Variants in TIGD6 observed in about 807,000 individuals in gnomAD.
TIGD6 encodes tigger transposable element derived 6, also known as tigger transposable element-derived protein 6.
A neutral mutation model predicts 2.6 loss-of-function variants in TIGD6; 1 was observed. The ratio of observed to expected loss-of-function variants is 0.39; its 90% CI spans 0.14 to 1.85. The LOEUF is 1.85. Among genes scored for constraint, TIGD6 ranks in the 40% most tolerant of loss-of-function variants. TIGD6 has a pLI of 0.32. For synonymous variants in TIGD6, 193 were observed against 221.9 expected (o/e 0.87, Z 1.16); for missense variants, 601 against 634.2 (o/e 0.95, Z 0.56).
chr5:149,997,556 C>CA (rs1561837958), intron 1 of TIGD6, among the ~76,000 whole-genome samples: 5 of 150,634 alleles, frequency 3.3e-5, no homozygotes, highest in South Asian at 2.1e-4. Context: ...ACAACAACAA[C>CA]AAAAAACAAA....
Position 149,995,727 on chromosome 5 carries a change from G to A in TIGD6, c.622C>T (p.Gln208Ter). The A allele has an allele frequency of 6.2e-7, 1 of 1,614,246 alleles. No homozygotes were observed. The highest frequency in any genetic ancestry group is 2.2e-5 in the East Asian group (1 of 44,892). Residue 208 changes from glutamine (Q) to a stop codon, truncating the protein, a stop_gained, in exon 2 of 2, where the codon CAG becomes TAG. Transcript: ENST00000296736. LOFTEE classifies it low-confidence loss of function (END_TRUNC). ...DHCRGGKKAK[Q>*]RLTALFCCNA... Reference sequence around the variant, plus strand: ...CAACAAAAGAGTGCTGTCAACCGCTGCTTTGCTTTCTTGCCCCCTCTACAG... The same window carrying A: ...CAACAAAAGAGTGCTGTCAACCGCTACTTTGCTTTCTTGCCCCCTCTACAG...
In TIGD6 at chr5:149,995,322, C is replaced by A. The variant is rs373654983; in HGVS notation, c.1027G>T (p.Asp343Tyr). ...QILLKLNSSE[D>Y]QEEVDIKQAI... ...TGCTTGATGTCCACCTCTTCTTGATCCTCACTGCTGTTGAGCTTGAGGAGG... is the reference window on the plus strand; with the variant it reads ...TGCTTGATGTCCACCTCTTCTTGATACTCACTGCTGTTGAGCTTGAGGAGG... The change falls in exon 2 of 2, where the codon GAT (aspartate) becomes TAT (tyrosine). Residue 343 changes from aspartate (D) to tyrosine (Y), a missense_variant. Physicochemically the swap from Asp to Tyr is radical, Grantham distance 160. Transcript: ENST00000296736. 235 of 1,614,160 alleles carry A rather than the reference C, an allele frequency of 1.5e-4. No individual in the cohort carries two copies. Among genetic ancestry groups the A allele is most frequent in the Non-Finnish European group, 1.9e-4 (227 of 1,180,020 alleles).
At chr5:149,998,120 C>T (rs529965081) in intron 1 of TIGD6, among the ~76,000 whole-genome samples, 1 of 150,718 alleles carries the variant, frequency 6.6e-6, no homozygotes, top group South Asian at 2.1e-4. Flanking sequence ...CAGAGCGAGC[C>T]TCCATCTCAA....
intron 1 of TIGD6, among the ~76,000 whole-genome samples, chr5:149,997,960 C>CAA (rs746819928): frequency 1.7e-4 from 25 of 150,064 alleles, no homozygotes; most frequent in East Asian, 1.4e-3. Context: ...GACTCCGTCT[C>CAA]AAAAAAAAAT....
chr5:149,996,520 C>A (rs1581238830), intron 1 of TIGD6, 91 bp from the exon 2 acceptor site: 4 of 904,048 alleles, frequency 4.4e-6, no homozygotes, highest in Non-Finnish European at 6.4e-6. Context: ...TAGGAAAGGA[C>A]AATTTACAGT....
Position 149,999,508 on chromosome 5 carries a change from G to A in TIGD6, c.-82+966C>T, listed in dbSNP as rs376214025. Among the ~76,000 whole-genome samples, 3 of 152,068 alleles carry A rather than the reference G, an allele frequency of 2.0e-5. No homozygotes were observed. The East Asian group carries it at 5.8e-4, about 29-fold the overall frequency. ...AGATGGTGAGTAGTAGTCAGTCTGG[G>A]GCTATGTTTTTGCAAGCCCTGTGCT... On this transcript the variant is annotated intron_variant, in intron 1 of 1. Transcript: ENST00000296736.
In TIGD6 at chr5:149,994,625, C is replaced by T. The variant is rs1019084972; in HGVS notation, c.*158G>A. 15 of 660,220 alleles carry T rather than the reference C, an allele frequency of 2.3e-5. No individual in the cohort carries two copies. Among genetic ancestry groups the T allele is most frequent in the Non-Finnish European group, 3.5e-5 (15 of 432,582 alleles). The allele number at this position is 660,220 out of a possible 1,614,324, so 40.9% of individuals were successfully genotyped here. A position where few individuals can be genotyped will look rare whatever the true frequency, so the allele number is the denominator to read the frequency against. On this transcript the variant is annotated 3_prime_UTR_variant, in exon 2 of 2. Coordinates refer to ENST00000296736, the MANE Select transcript of TIGD6 (RefSeq NM_030953.4). ...CAGCCAAAAACAAAAGAAAAGAAAACACACATATTAGTCAAATTCCATTCA... is the reference window on the plus strand; with the variant it reads ...CAGCCAAAAACAAAAGAAAAGAAAATACACATATTAGTCAAATTCCATTCA...
chr5:149,995,853 G>C lies in TIGD6; in HGVS notation c.496C>G (p.Leu166Val). ...TCATCTGGGCTGTAGTCAGCAATCA[G>C]TTTTATAATTTCCCCTGCATGCCAC... Reference protein sequence around the residue: ...NEWHAGEIIKLIADYSPDDIF... With the variant: ...NEWHAGEIIKVIADYSPDDIF... Residue 166 changes from leucine to valine, a missense_variant, in exon 2 of 2, where the codon CTG becomes GTG. Transcript: ENST00000296736. 4 of 1,614,186 alleles carry C rather than the reference G, an allele frequency of 2.5e-6. No homozygotes were observed. The South Asian group carries it at 4.4e-5, about 18-fold the overall frequency.
In TIGD6 at chr5:149,995,335, G is replaced by A. The variant is rs777604122; in HGVS notation, c.1014C>T (p.Leu338=). 2.5e-5 allele frequency: 41 copies of A among 1,613,926 alleles called. No homozygotes were observed. Among genetic ancestry groups the A allele is most frequent in the Non-Finnish European group, 3.2e-5 (38 of 1,179,914 alleles). ...CCTCTTCTTGATCCTCACTGCTGTT[G>A]AGCTTGAGGAGGATCTGTTTTAGAA... ...SHLLKQILLK[L]NSSEDQEEVD... The change falls in exon 2 of 2, where the codon CTC becomes CTT. Residue 338 remains leucine, a synonymous_variant. Coordinates refer to ENST00000296736, the MANE Select transcript of TIGD6 (RefSeq NM_030953.4).
chr5:149,995,756 T>C lies in TIGD6; in HGVS notation c.593A>G (p.Asp198Gly). ...LPQHTLAAKGDHCRGGKKAKQ... is the reference protein window; with the variant it reads ...LPQHTLAAKGGHCRGGKKAKQ... ...TGCTTTCTTGCCCCCTCTACAGTGG[T>C]CTCCTTTAGCAGCAAGTGTGTGCTG... Residue 198 changes from aspartate (D) to glycine (G), a missense_variant, in exon 2 of 2, where the codon GAC becomes GGC. Asp to Gly is a moderately conservative substitution (Grantham distance 94). Transcript: ENST00000296736. 1 of 1,614,168 alleles carries C rather than the reference T, an allele frequency of 6.2e-7. No individual in the cohort carries two copies. Among genetic ancestry groups the C allele is most frequent in the Non-Finnish European group, 8.5e-7 (1 of 1,180,038 alleles).
chr5:149,999,581 C>T (rs563897077), intron 1 of TIGD6, among the ~76,000 whole-genome samples: 1 of 152,298 alleles, frequency 6.6e-6, no homozygotes, highest in South Asian at 2.1e-4. Flanking sequence ...GCCCAGGTTT[C>T]TGGTTTGAGC....
In TIGD6 at chr5:149,996,078, C is replaced by T. The variant is rs140131784; in HGVS notation, c.271G>A (p.Ala91Thr). 6.8e-6 allele frequency: 11 copies of T among 1,613,822 alleles called. No individual in the cohort carries two copies. In the African/African-American group the frequency reaches 1.5e-4, roughly 22 times the overall value. The change falls in exon 2 of 2, where the codon GCC (alanine) becomes ACC (threonine). Residue 91 changes from alanine (A) to threonine (T), a missense_variant. Physicochemically the swap from Ala to Thr is moderately conservative, Grantham distance 58 (BLOSUM62 0). Coordinates refer to ENST00000296736, the MANE Select transcript of TIGD6 (RefSeq NM_030953.4). ...AVFAWFQEIH[A>T]KNILVTGSVI... ...GAACCAGTCACAAGAATGTTTTTGG[C>T]ATGGATTTCTTGAAACCAAGCAAAA... is the stretch of plus-strand genomic sequence containing the variant.
intron 1 of TIGD6, among the ~76,000 whole-genome samples, chr5:149,996,940 G>C (rs1186819727): frequency 2.6e-5 from 4 of 152,214 alleles, no homozygotes; most frequent in Admixed American, 1.3e-4. Context: ...GATTTTTACT[G>C]TGGGAAGATG....
chr5:149,996,108 C>G lies in TIGD6; in HGVS notation c.241G>C (p.Ala81Pro), dbSNP rs1386985369. 4 of 1,614,042 alleles carry G rather than the reference C, an allele frequency of 2.5e-6. No individual in the cohort carries two copies. Among genetic ancestry groups the G allele is most frequent in the Non-Finnish European group, 3.4e-6 (4 of 1,180,046 alleles). ...ATTTCTTGAAACCAAGCAAAAACAGCCTTATCAATGTCATCATAAAGAGCG... is the reference window on the plus strand; with the variant it reads ...ATTTCTTGAAACCAAGCAAAAACAGGCTTATCAATGTCATCATAAAGAGCG... ...RSALYDDIDK[A>P]VFAWFQEIHA... The change falls in exon 2 of 2, where the codon GCT becomes CCT. Residue 81 changes from alanine to proline, a missense_variant. Ala to Pro is a conservative substitution (Grantham distance 27). Transcript: ENST00000296736.
intron 1 of TIGD6, among the ~76,000 whole-genome samples, chr5:149,997,240 C>CA (rs550728740): frequency 2.8e-3 from 429 of 152,288 alleles, no homozygotes; most frequent in Non-Finnish European, 4.6e-3. Context: ...GGCTGTCCAG[C>CA]AAAAGACATA....
In TIGD6 at chr5:149,996,200, T is replaced by C. The variant is rs1755383289; in HGVS notation, c.149A>G (p.Asp50Gly). 2 of 1,614,234 alleles carry C rather than the reference T, an allele frequency of 1.2e-6. No individual in the cohort carries two copies. The highest frequency in any genetic ancestry group is 1.6e-4 in the Middle Eastern group (1 of 6,062). Residue 50 changes from aspartate to glycine, a missense_variant, in exon 2 of 2, where the codon GAT (aspartate) becomes GGT (glycine). Transcript: ENST00000296736. ...TPSTLSTFLK[D>G]RTKFEEKVRE... ...CACCTTTTCTTCAAATTTGGTGCGA[T>C]CCTTTAAGAATGTAGATAAAGTAGA...
rs566365114 is a variant in TIGD6, at chr5:149,993,212, ATTGTT to A, written c.*1566_*1570del. 3.3e-4 allele frequency: 50 copies of A among 152,318 alleles called. No individual in the cohort carries two copies. Among genetic ancestry groups the A allele is most frequent in the African/African-American group, 1.1e-3 (46 of 41,576 alleles). The allele number at this position is 152,318 out of a possible 1,614,324, so 9.4% of individuals were successfully genotyped here. A position where few individuals can be genotyped will look rare whatever the true frequency, so the allele number is the denominator to read the frequency against. On this transcript the variant is annotated 3_prime_UTR_variant, in exon 2 of 2. Transcript: ENST00000296736. ...TTTAAACATCTGCTGTTTTTCAGTG[ATTGTT>A]TTGTTAATGTGGAAGCAACATTTTC...
In TIGD6 at chr5:149,994,547, A is replaced by T. The variant is rs1755331094; in HGVS notation, c.*236T>A. The T allele has an allele frequency of 3.1e-6, 1 of 319,514 alleles. No homozygotes were observed. 19.8% of individuals were successfully genotyped at this position (319,514 alleles called of 1,614,324 possible). ...CTCAAGTGATCCTAATTTGCAGACAAGTTTGGAAACCCTTGGATGAATCAA... is the reference window on the plus strand; with the variant it reads ...CTCAAGTGATCCTAATTTGCAGACATGTTTGGAAACCCTTGGATGAATCAA... On this transcript the variant is annotated 3_prime_UTR_variant, in exon 2 of 2. Coordinates refer to ENST00000296736, the MANE Select transcript of TIGD6 (RefSeq NM_030953.4).
In TIGD6 at chr5:149,994,740, T is replaced by C; in HGVS notation, c.*43A>G. On this transcript the variant is annotated 3_prime_UTR_variant, in exon 2 of 2. Coordinates refer to ENST00000296736, the MANE Select transcript of TIGD6 (RefSeq NM_030953.4). Reference sequence around the variant, plus strand: ...TGGCTCAACAACCTATCTAAAGAAATCTTTATTCTTGTAAACTACATTTTC... The same window carrying C: ...TGGCTCAACAACCTATCTAAAGAAACCTTTATTCTTGTAAACTACATTTTC... The C allele has an allele frequency of 6.8e-7, 1 of 1,477,338 alleles. No individual in the cohort carries two copies. Among genetic ancestry groups the C allele is most frequent in the East Asian group, 2.3e-5 (1 of 43,236 alleles). The allele number at this position is 1,477,338 out of a possible 1,614,324, so 91.5% of individuals were successfully genotyped here.
Sources: gnomAD v4.1 joint callset for allele counts (sites outside exome capture counted in the v4.1 genomes callset) on GRCh38, gnomAD v4.1.1 for gene constraint, MANE v1.5 for transcripts, NCBI Gene and HGNC (gene_info 2026-07-23, HGNC 2026-07-21) for gene names.